The following RCBTB2 variants were observed in gnomAD, a reference collection of about 807,000 sequenced individuals.
RCBTB2 encodes RCC1 and BTB domain-containing protein 2.
In RCBTB2, 55 loss-of-function variants were observed where a neutral mutation model predicts 65.4. The observed-to-expected ratio is 0.84, with a 90% CI of 0.68 to 1.05. The LOEUF (loss-of-function observed/expected upper bound fraction) is 1.05. Ranked by LOEUF, RCBTB2 falls within the 50% of genes least tolerant of loss-of-function variation. The probability of loss-of-function intolerance (pLI) is 0.00; values close to 1 mark genes in which losing one functional copy is unlikely to be tolerated. For missense variants in RCBTB2, 599 were observed against 680.1 expected (o/e 0.88, Z 1.33); for synonymous variants, 220 against 255.2 (o/e 0.86, Z 1.31).
At chr13:48,517,082 C>T (rs1566311126) in intron 4 of RCBTB2, among the ~76,000 whole-genome samples, 1 of 152,160 alleles carries the variant, frequency 6.6e-6, no homozygotes, top group Non-Finnish European at 1.5e-5. Flanking sequence ...ACCTACTTGT[C>T]CCTTCCACCT....
chr13:48,514,163 C>A (rs1362975755), intron 6 of RCBTB2, among the ~76,000 whole-genome samples: 4 of 152,168 alleles, frequency 2.6e-5, no homozygotes, highest in Non-Finnish European at 4.4e-5. Flanking sequence ...TACTCTTGCA[C>A]TTTGGGGCCA....
chr13:48,511,001 A>G (rs1950761640), intron 9 of RCBTB2, among the ~76,000 whole-genome samples: 1 of 152,226 alleles, frequency 6.6e-6, no homozygotes, highest in Admixed American at 6.5e-5. Flanking sequence ...TAGAGCTTTA[A>G]TACTCACAGA....
chr13:48,526,458 C>T (rs1265296731), intron 1 of RCBTB2, among the ~76,000 whole-genome samples: 1 of 152,128 alleles, frequency 6.6e-6, no homozygotes, highest in African/African-American at 2.4e-5. Flanking sequence ...ATCGCTTGAA[C>T]CCAGGATGTG....
chr13:48,515,843 C>T, intron 4 of RCBTB2, 102 bp from the exon 5 acceptor site: 1 of 1,164,592 alleles, frequency 8.6e-7, no homozygotes, highest in Non-Finnish European at 1.2e-6. Flanking sequence ...TTGGGAGGAA[C>T]ACACTGCATC....
intron 9 of RCBTB2, among the ~76,000 whole-genome samples, 200 bp from the exon 10 acceptor site, chr13:48,510,971 G>A (rs188140423): frequency 1.2e-3 from 180 of 152,278 alleles, no homozygotes; most frequent in African/African-American, 3.9e-3. Context: ...ACCCTGGCGT[G>A]AGCACCTGCC....
chr13:48,498,604 C>A (rs1950081818), intron 13 of RCBTB2, among the ~76,000 whole-genome samples: 1 of 152,126 alleles, frequency 6.6e-6, no homozygotes, highest in Non-Finnish European at 1.5e-5. Context: ...GTGGTGCATG[C>A]CTGTAATCCC....
At chr13:48,510,418 G>C (rs1950716898) in intron 10 of RCBTB2, among the ~76,000 whole-genome samples, 1 of 152,198 alleles carries the variant, frequency 6.6e-6, no homozygotes, top group African/African-American at 2.4e-5. Flanking sequence ...TGGAGGTATA[G>C]ATGAAACATG....
At chr13:48,523,883 T>G (rs1419574137) in intron 2 of RCBTB2, among the ~76,000 whole-genome samples, 2 of 152,228 alleles carry the variant, frequency 1.3e-5, no homozygotes, top group Non-Finnish European at 2.9e-5. Context: ...CAGGCCATTC[T>G]GTTTATCTGA....
At chr13:48,521,671 C>T (rs1246116145) in intron 4 of RCBTB2, among the ~76,000 whole-genome samples, 1 of 152,214 alleles carries the variant, frequency 6.6e-6, no homozygotes, top group Non-Finnish European at 1.5e-5. Context: ...GTCACCATCG[C>T]TGGGAGCCCT....
chr13:48,489,193 C>A lies in RCBTB2; in HGVS notation c.*918G>T, dbSNP rs1949602717. Reference sequence around the variant, plus strand: ...AATGCTGTCCATGAAATGTAAGTATCAGTTCCTTCTCAGCTAGTGCTTTAT... The same window carrying A: ...AATGCTGTCCATGAAATGTAAGTATAAGTTCCTTCTCAGCTAGTGCTTTAT... On this transcript the variant is annotated 3_prime_UTR_variant, in exon 15 of 15. Transcript: ENST00000344532. The A allele has an allele frequency of 6.6e-6, 1 of 152,180 alleles. No individual in the cohort carries two copies. Among genetic ancestry groups the A allele is most frequent in the African/African-American group, 2.4e-5 (1 of 41,456 alleles). The allele number at this position is 152,180 out of a possible 1,614,324, so 9.4% of individuals were successfully genotyped here.
intron 2 of RCBTB2, among the ~76,000 whole-genome samples, chr13:48,523,276 T>A (rs1324600497): frequency 6.6e-6 from 1 of 152,222 alleles, no homozygotes; most frequent in Non-Finnish European, 1.5e-5. Context: ...TCAATGTGGA[T>A]CCTGATTACC....
In RCBTB2 at chr13:48,514,521, C is replaced by A. The variant is rs904447795; in HGVS notation, c.349+684G>T. Among the ~76,000 whole-genome samples the A allele has an allele frequency of 3.3e-5, 5 of 152,328 alleles. No individual in the cohort carries two copies. The South Asian group carries it at 1.0e-3, about 32-fold the overall frequency. On this transcript the variant is annotated intron_variant, in intron 6 of 14. Coordinates refer to ENST00000344532, the MANE Select transcript of RCBTB2 (RefSeq NM_001268.4). Reference sequence around the variant, plus strand: ...ATCTCTGACTATGTGCTGCCTATTGCCACTGAACAATTATTTTGGTTAATT... The same window carrying A: ...ATCTCTGACTATGTGCTGCCTATTGACACTGAACAATTATTTTGGTTAATT...
chr13:48,526,312 C>T (rs1214373398), intron 1 of RCBTB2, among the ~76,000 whole-genome samples: 1 of 152,144 alleles, frequency 6.6e-6, no homozygotes, highest in Non-Finnish European at 1.5e-5. Context: ...CTTTGAGGAT[C>T]GCTTGAGGCC....
intron 14 of RCBTB2, among the ~76,000 whole-genome samples, chr13:48,493,315 A>ACACACACACTCTCTCT (rs759504798): frequency 1.3e-5 from 1 of 75,028 alleles, no homozygotes; most frequent in African/African-American, 6.0e-5. Flanking sequence ...ACACACACAC[A>ACACACACACTCTCTCT]CTCTCTCTCT....
At chr13:48,533,511 T>C (rs891968483), upstream of RCBTB2, among the ~76,000 whole-genome samples, 6 of 152,178 alleles carry the variant, frequency 3.9e-5, no homozygotes, top group African/African-American at 7.2e-5. Context: ...GGCCCCTCTA[T>C]CTGGGGGCTC....
At chr13:48,506,193 G>A (rs1413637449) in intron 10 of RCBTB2, among the ~76,000 whole-genome samples, 1 of 152,244 alleles carries the variant, frequency 6.6e-6, no homozygotes, top group Non-Finnish European at 1.5e-5. Context: ...CGGCAGGATG[G>A]CAGAGAGCAG....
chr13:48,509,688 A>G (rs1950682420), intron 10 of RCBTB2, among the ~76,000 whole-genome samples: 2 of 152,258 alleles, frequency 1.3e-5, no homozygotes, highest in Admixed American at 6.5e-5. Flanking sequence ...AACTTTTAAA[A>G]CATAGGTTAA....
At chr13:48,517,829 C>T (rs952325793) in intron 4 of RCBTB2, among the ~76,000 whole-genome samples, 3 of 152,142 alleles carry the variant, frequency 2.0e-5, no homozygotes, top group Admixed American at 6.5e-5. Flanking sequence ...CACCTAGAAC[C>T]TCAGAAGGTG....
At chr13:48,523,630 AT>A (rs1302871214) in intron 2 of RCBTB2, among the ~76,000 whole-genome samples, 2 of 152,186 alleles carry the variant, frequency 1.3e-5, no homozygotes, top group Admixed American at 6.5e-5. Context: ...GGAATAAAAA[AT>A]AAAAGGAGAG....
Sources: gnomAD v4.1 joint callset for allele counts (sites outside exome capture counted in the v4.1 genomes callset) on GRCh38, gnomAD v4.1.1 for gene constraint, MANE v1.5 for transcripts, NCBI Gene and HGNC (gene_info 2026-07-23, HGNC 2026-07-21) for gene names.